ADAMTS7: variants seen among roughly 807,000 people sequenced by gnomAD.
ADAMTS7 encodes the protein ADAM metallopeptidase with thrombospondin type 1 motif 7, also known as A disintegrin and metalloproteinase with thrombospondin motifs 7.
ADAMTS7 carries 89 observed loss-of-function variants against 172.6 expected under a neutral mutation model. That is an observed-to-expected ratio of 0.52 (90% CI 0.43 to 0.61). ADAMTS7 has a LOEUF of 0.61. Among genes scored for constraint, ADAMTS7 ranks in the 20% least tolerant of loss-of-function variants. The probability of loss-of-function intolerance (pLI) is 0.00; values close to 1 mark genes in which losing one functional copy is unlikely to be tolerated. For synonymous variants in ADAMTS7, 885 were observed against 978.4 expected (o/e 0.90, Z 1.78); for missense variants, 1,973 against 2,355.6 (o/e 0.84, Z 3.36).
Position 78,788,355 on chromosome 15 carries a change from C to T in ADAMTS7, c.1198G>A (p.Gly400Arg), listed in dbSNP as rs760187508. Residue 400 changes from glycine (G) to arginine (R), a missense_variant, in exon 8 of 24, where the codon GGA becomes AGA. By Grantham distance (125) the Gly-to-Arg change is moderately radical. Coordinates refer to ENST00000388820, the MANE Select transcript of ADAMTS7 (RefSeq NM_014272.5). ...ACGGGCTCACAGTCATTGCCGCTTC[C>T]GTCATGCTGAATGCCAAAACTGTGT... ...LGHSFGIQHD[G>R]SGNDCEPVGK... 5.6e-6 allele frequency: 9 copies of T among 1,612,890 alleles called. No homozygotes were observed. Among genetic ancestry groups the T allele is most frequent in the African/African-American group, 5.3e-5 (4 of 74,886 alleles).
rs1444798668 is a variant in ADAMTS7 at position 78,789,800 on chromosome 15, G to A, written c.1067C>T (p.Thr356Ile). ...GCCCGCCACATGGGACAGTCCCAGGGTCTCACAGGGCCGGTTCATGGCTGC... is the reference window on the plus strand; with the variant it reads ...GCCCGCCACATGGGACAGTCCCAGGATCTCACAGGGCCGGTTCATGGCTGC... The part of the protein sequence containing the change: ...LCAAMNRPCE[T>I]LGLSHVAGMC... Residue 356 changes from threonine to isoleucine, a missense_variant, in exon 7 of 24, where the codon ACC becomes ATC. By Grantham distance (89) the Thr-to-Ile change is moderately conservative. Coordinates refer to ENST00000388820, the MANE Select transcript of ADAMTS7 (RefSeq NM_014272.5). 6 of 1,607,182 alleles carry A rather than the reference G, an allele frequency of 3.7e-6. No individual in the cohort carries two copies. Among genetic ancestry groups the A allele is most frequent in the Non-Finnish European group, 5.1e-6 (6 of 1,177,220 alleles).
chr15:78,775,897 C>G (rs2055335877), intron 11 of ADAMTS7, among the ~76,000 whole-genome samples: 1 of 152,212 alleles, frequency 6.6e-6, no homozygotes, highest in Non-Finnish European at 1.5e-5. Context: ...CCCCACTGCC[C>G]TCTCCTGCCT....
chr15:78,795,954 C>T (rs984378542), intron 4 of ADAMTS7, among the ~76,000 whole-genome samples: 1 of 152,182 alleles, frequency 6.6e-6, no homozygotes, highest in African/African-American at 2.4e-5. Context: ...GTGACCTGGG[C>T]AAGTTACTCG....
At chr15:78,765,340 GC>G (rs2055121522) in intron 19 of ADAMTS7, among the ~76,000 whole-genome samples, 1 of 152,274 alleles carries the variant, frequency 6.6e-6, no homozygotes, top group Non-Finnish European at 1.5e-5. Flanking sequence ...GGAAGCTGCT[GC>G]CTGCTGGGGA....
intron 20 of ADAMTS7, 52 bp from the exon 21 acceptor site, chr15:78,764,151 C>A: frequency 6.8e-7 from 1 of 1,460,538 alleles, no homozygotes; most frequent in Non-Finnish European, 9.1e-7. Context: ...GGCCCACAGG[C>A]GTGACCCCGT....
intron 5 of ADAMTS7, 63 bp from the exon 6 acceptor site, chr15:78,790,857 CT>C (rs2055570340): frequency 1.3e-6 from 2 of 1,598,008 alleles, no homozygotes; most frequent in Non-Finnish European, 1.7e-6. Context: ...AGGCCCAATT[CT>C]CCCCCATACG....
chr15:78,797,696 C>T (rs538552536), intron 3 of ADAMTS7, among the ~76,000 whole-genome samples: 3 of 152,136 alleles, frequency 2.0e-5, no homozygotes, highest in African/African-American at 2.4e-5. Flanking sequence ...TGAGCCCCAA[C>T]GTGGGAGAAG....
At chr15:78,774,103 TG>T (rs2055297617) in intron 13 of ADAMTS7, 63 bp downstream of exon 13, 1 of 1,572,680 alleles carries the variant, frequency 6.4e-7, no homozygotes, top group Non-Finnish European at 8.6e-7. Context: ...GGAGAGAACC[TG>T]GGGCCTGCCA....
rs559925839 is a variant in ADAMTS7 at position 78,766,578 on chromosome 15, C to A, written c.3333G>T (p.Val1111=). ...TGGCTGCAGGAGGCTCTGTGGCAGGCACGGGGCTACCCGTGGAGGGCGCAG... is the reference window on the plus strand; with the variant it reads ...TGGCTGCAGGAGGCTCTGTGGCAGGAACGGGGCTACCCGTGGAGGGCGCAG... ...HPAAPSTGSP[V]PATEPPAAKE... is the part of the protein sequence containing the mutation. Residue 1111 remains valine, a synonymous_variant, in exon 19 of 24, where the codon GTG becomes GTT. Coordinates refer to ENST00000388820, the MANE Select transcript of ADAMTS7 (RefSeq NM_014272.5). The A allele has an allele frequency of 1.4e-5, 22 of 1,602,732 alleles. No individual in the cohort carries two copies. The highest frequency in any genetic ancestry group is 3.4e-5 in the Admixed American group (2 of 59,154).
rs573345380 is a variant in ADAMTS7, at chr15:78,789,858, G to A, written c.1029-20C>T. On this transcript the variant is annotated intron_variant, in intron 6 of 23. Coordinates refer to ENST00000388820, the MANE Select transcript of ADAMTS7 (RefSeq NM_014272.5). ...TCCTTTCTGCACAGGCAAAGAAGCAGCCTTCAGGCTAACCTGGCCCAGTGC... is the reference window on the plus strand; with the variant it reads ...TCCTTTCTGCACAGGCAAAGAAGCAACCTTCAGGCTAACCTGGCCCAGTGC... 357 of 1,565,308 alleles carry A rather than the reference G, an allele frequency of 2.3e-4. 7 individuals are homozygous for A. In the South Asian group the frequency reaches 3.5e-3, roughly 15 times the overall value.
At position 78,771,793 on chromosome 15, in the gene ADAMTS7, C is replaced by T. The variant is rs369972828; in HGVS notation, c.2168G>A (p.Arg723His). Reference protein sequence around the residue: ...VDVGLIPAGAREIRIQEVAEA... With the variant: ...VDVGLIPAGAHEIRIQEVAEA... ...GGCAACCTCTTGGATGCGGATCTCG[C>T]GTGCGCCCGCTGGGATCAGCCCCAC... is the stretch of plus-strand genomic sequence containing the variant. Residue 723 changes from arginine to histidine, a missense_variant, in exon 15 of 24, where the codon CGC becomes CAC. Arg to His is a conservative substitution (Grantham distance 29). Around this residue, in one of 8 missense-constraint regions of ADAMTS7, gnomAD observed 771 missense variants for 952.6 expected, o/e 0.81. Coordinates refer to ENST00000388820, the MANE Select transcript of ADAMTS7 (RefSeq NM_014272.5). The surrounding 1 kb of genome is among the most constrained non-coding windows in gnomAD (Gnocchi z 4.9). The T allele has an allele frequency of 3.4e-5, 55 of 1,612,608 alleles. No individual in the cohort carries two copies. In the East Asian group the frequency reaches 4.0e-4, roughly 12 times the overall value.
chr15:78,775,187 C>T (rs1341583373), intron 11 of ADAMTS7, among the ~76,000 whole-genome samples: 13 of 152,212 alleles, frequency 8.5e-5, no homozygotes, highest in Admixed American at 8.5e-4. Context: ...GAGTCTCCAG[C>T]CCATGACACC....
chr15:78,806,119 CACACACACA>C (rs1567245647), intron 1 of ADAMTS7, among the ~76,000 whole-genome samples: 1 of 17,828 alleles, frequency 5.6e-5, no homozygotes, highest in Non-Finnish European at 1.4e-4. Context: ...CACACACACA[CACACACACA>C]AAAAAAAAAA....
intron 19 of ADAMTS7, 144 bp from the exon 20 acceptor site, chr15:78,764,851 G>C: frequency 5.9e-6 from 5 of 853,828 alleles, no homozygotes; most frequent in Middle Eastern, 3.7e-4. Flanking sequence ...TGCAAAATAG[G>C]CTCCTTCACC....
At chr15:78,760,233 G>C (rs1289489622) in intron 23 of ADAMTS7, among the ~76,000 whole-genome samples, 1 of 152,206 alleles carries the variant, frequency 6.6e-6, no homozygotes, top group Non-Finnish European at 1.5e-5. Flanking sequence ...GGCTGTGCTT[G>C]TCAGGGCTGA....
chr15:78,766,228 C>T lies in ADAMTS7; in HGVS notation c.3683G>A (p.Gly1228Glu), dbSNP rs1257213051. 1 of 1,611,810 alleles carries T rather than the reference C, an allele frequency of 6.2e-7. No individual in the cohort carries two copies. Among genetic ancestry groups the T allele is most frequent in the Non-Finnish European group, 8.5e-7 (1 of 1,179,766 alleles). The change falls in exon 19 of 24, where the codon GGA (glycine) becomes GAA (glutamate). Residue 1228 changes from glycine to glutamate, a missense_variant. Coordinates refer to ENST00000388820, the MANE Select transcript of ADAMTS7 (RefSeq NM_014272.5). Reference sequence around the variant, plus strand: ...GGGTCTCGGGGGCAGGTGGGGTGCTCCTCGGCCCTTGGGTTCCTCATCATC... The same window carrying T: ...GGGTCTCGGGGGCAGGTGGGGTGCTTCTCGGCCCTTGGGTTCCTCATCATC... Reference protein sequence around the residue: ...FKDDEEPKGRGAPHLPPRPSS... With the variant: ...FKDDEEPKGREAPHLPPRPSS...
intron 6 of ADAMTS7, 63 bp from the exon 7 acceptor site, chr15:78,789,901 A>C: frequency 6.6e-7 from 1 of 1,519,654 alleles, no homozygotes; most frequent in Non-Finnish European, 8.9e-7. Flanking sequence ...ACCTGAGCTA[A>C]GGCCAGGGAA....
intron 23 of ADAMTS7, 152 bp from the exon 24 acceptor site, chr15:78,759,730 G>T: frequency 9.9e-7 from 1 of 1,011,426 alleles, no homozygotes; most frequent in Non-Finnish European, 1.4e-6. Context: ...GGAGTTGCAG[G>T]TCTCCAACTG....
chr15:78,770,972 C>T (rs967900021), intron 16 of ADAMTS7, 190 bp downstream of exon 16: 3 of 775,290 alleles, frequency 3.9e-6, no homozygotes, highest in Admixed American at 2.9e-5. Context: ...CCTGCCTCAT[C>T]CATGTACCCT....
Sources: gnomAD v4.1 joint callset for allele counts (sites outside exome capture counted in the v4.1 genomes callset) on GRCh38, gnomAD v4.1.1 for gene constraint, gnomAD v4.1.1 regional missense constraint, Gnocchi (gnomAD v3.1) non-coding constraint, MANE v1.5 for transcripts, NCBI Gene and HGNC (gene_info 2026-07-23, HGNC 2026-07-21) for gene names.